Variants in ADARB1 observed in about 807,000 individuals in gnomAD.
The protein encoded by ADARB1 is adenosine deaminase RNA specific B1.
Under a neutral mutation model 52.4 loss-of-function variants are expected in ADARB1, and 10 were observed. The observed-to-expected ratio is 0.19, with a 90% CI of 0.12 to 0.32. The LOEUF (loss-of-function observed/expected upper bound fraction) is 0.32. Among genes scored for constraint, ADARB1 ranks in the 10% least tolerant of loss-of-function variants. The pLI is 1.00. For missense variants in ADARB1, 643 were observed against 922.3 expected, an observed-to-expected ratio of 0.70 and a Z score of 3.92; for synonymous variants, 349 against 371.1, an observed-to-expected ratio of 0.94 and a Z score of 0.68.
chr21:45,222,764 C>T lies in ADARB1; in HGVS notation c.*567C>T, dbSNP rs1265961878. 2.0e-6 allele frequency: 2 copies of T among 985,916 alleles called. No homozygotes were observed. Among genetic ancestry groups the T allele is most frequent in the Non-Finnish European group, 2.4e-6 (2 of 830,420 alleles). The allele number at this position is 985,916 out of a possible 1,614,324, so 61.1% of individuals were successfully genotyped here. A position where few individuals can be genotyped will look rare whatever the true frequency, so the allele number is the denominator to read the frequency against. ...CTTAGGTCTCTTTTCTCCGTAGGTA[C>T]CTCCCTGGGTAGTTCCACACACTAG... is the stretch of plus-strand genomic sequence containing the variant. On this transcript the variant is annotated 3_prime_UTR_variant, in exon 11 of 11. Transcript: ENST00000348831.
chr21:45,094,204 C>T lies in ADARB1; in HGVS notation c.-220+19411C>T, dbSNP rs148065177. ...ACATTCAAAAGCATTTTTTCCAACT[C>T]TGCAAGCAGTTGTCTGTTAAAGCAA... On this transcript the variant is annotated intron_variant, in intron 1 of 10. Transcript: ENST00000348831. 7.4e-4 allele frequency among the ~76,000 whole-genome samples: 112 copies of T among 152,268 alleles called. 1 individual carries two copies. Among genetic ancestry groups the T allele is most frequent in the African/African-American group, 2.6e-3 (109 of 41,554 alleles).
At chr21:45,114,541 C>G (rs975564867) in intron 1 of ADARB1, among the ~76,000 whole-genome samples, 3 of 152,194 alleles carry the variant, frequency 2.0e-5, no homozygotes, top group African/African-American at 7.2e-5. Context: ...AAAGGTCCGA[C>G]TATACTGAAA....
chr21:45,081,836 T>C (rs771832127), intron 1 of ADARB1, among the ~76,000 whole-genome samples: 9 of 152,136 alleles, frequency 5.9e-5, no homozygotes, highest in Non-Finnish European at 1.3e-4. Flanking sequence ...AGCCTGCTTA[T>C]TAGAGTGGCC....
At chr21:45,178,568 C>G (rs2091797811) in intron 4 of ADARB1, among the ~76,000 whole-genome samples, 1 of 152,152 alleles carries the variant, frequency 6.6e-6, no homozygotes, top group Non-Finnish European at 1.5e-5. Context: ...GTCCTTAGGG[C>G]TTTGTTGGTG....
intron 1 of ADARB1, among the ~76,000 whole-genome samples, chr21:45,123,691 C>T (rs2088362994): frequency 6.6e-6 from 1 of 152,118 alleles, no homozygotes; most frequent in Admixed American, 6.5e-5. Context: ...GCCTTGAACT[C>T]CCAGGTTCAA....
Position 45,176,963 on chromosome 21 carries a change from C to G in ADARB1, c.963+299C>G, listed in dbSNP as rs530465538. ...ATAACTCCCTTCCCGTTAGGCAACC[C>G]CCCCCATGACCCTCATCCCACAGCA... On this transcript the variant is annotated intron_variant, in intron 4 of 10. Transcript: ENST00000348831. This position sits in a 1 kb window ranked among gnomAD's most constrained non-coding sequence, Gnocchi z 5.8. 4.8e-3 allele frequency: 1,516 copies of G among 314,690 alleles called. 24 individuals are homozygous for G. The highest frequency in any genetic ancestry group is 0.04 in the Admixed American group (884 of 21,980). The allele number at this position is 314,690 out of a possible 1,614,324, so 19.5% of individuals were successfully genotyped here.
At chr21:45,110,279 G>T (rs920664680) in intron 1 of ADARB1, among the ~76,000 whole-genome samples, 3 of 152,126 alleles carry the variant, frequency 2.0e-5, no homozygotes, top group Non-Finnish European at 4.4e-5. Context: ...TTCCATTCAC[G>T]AAACAAACCT....
chr21:45,084,718 A>AT (rs2086273540), intron 1 of ADARB1, among the ~76,000 whole-genome samples: 1 of 152,194 alleles, frequency 6.6e-6, no homozygotes, highest in South Asian at 2.1e-4. Context: ...TTTAACATAT[A>AT]TATCAGTCAG....
At chr21:45,088,617 AG>A (rs1196804617) in intron 1 of ADARB1, among the ~76,000 whole-genome samples, 1 of 152,256 alleles carries the variant, frequency 6.6e-6, no homozygotes, top group Non-Finnish European at 1.5e-5. Context: ...TAGTTACTTC[AG>A]GTGAGTTCCG....
In ADARB1 at chr21:45,204,434, C is replaced by T. The variant is rs2246081; in HGVS notation, c.1566-121C>T. ...CTGTTAACTTTTTGTTGCACTCCTT[C>T]GTCAGTTGGTTGGGATCCTGCGGAA... On this transcript the variant is annotated intron_variant, in intron 8 of 10. Coordinates refer to ENST00000348831, the MANE Select transcript of ADARB1 (RefSeq NM_001112.4). This position sits in a 1 kb window ranked among gnomAD's most constrained non-coding sequence, Gnocchi z 4.4. The T allele has an allele frequency of 0.54, 491,157 of 913,100 alleles. 133,617 individuals are homozygous for T. The highest frequency in any genetic ancestry group is 0.58 in the South Asian group (32,334 of 56,192). The allele number at this position is 913,100 out of a possible 1,614,324, so 56.6% of individuals were successfully genotyped here.
intron 2 of ADARB1, among the ~76,000 whole-genome samples, chr21:45,155,737 AC>A (rs2090528155): frequency 8.9e-5 from 2 of 22,560 alleles, no homozygotes. Flanking sequence ...CCACCCACCC[AC>A]CCATCATCAC....
Position 45,096,832 on chromosome 21 carries a change from C to G in ADARB1, c.-220+22039C>G, listed in dbSNP as rs937175314. Among the ~76,000 whole-genome samples the G allele has an allele frequency of 3.3e-5, 5 of 152,312 alleles. No homozygotes were observed. The South Asian group carries it at 6.2e-4, about 19-fold the overall frequency. ...CAGTGGCACTGCCAGCTCTGCCTCC[C>G]GGGTTCACACCATTCTCCTGCCTCA... is the stretch of plus-strand genomic sequence containing the variant. On this transcript the variant is annotated intron_variant, in intron 1 of 10. Coordinates refer to ENST00000348831, the MANE Select transcript of ADARB1 (RefSeq NM_001112.4).
intron 1 of ADARB1, among the ~76,000 whole-genome samples, chr21:45,096,677 C>T (rs1223119629): frequency 6.6e-6 from 1 of 152,250 alleles, no homozygotes; most frequent in African/African-American, 2.4e-5. Flanking sequence ...ATCATTGTCA[C>T]CCAGAAGTGC....
intron 1 of ADARB1, among the ~76,000 whole-genome samples, chr21:45,097,559 G>T (rs960708097): frequency 4.6e-5 from 7 of 152,060 alleles, no homozygotes; most frequent in African/African-American, 1.4e-4. Flanking sequence ...AGGGGCCGCT[G>T]TCCAGGCAGG....
In ADARB1 at chr21:45,223,428, C is replaced by T. The variant is rs573987341; in HGVS notation, c.*1231C>T. 1.3e-5 allele frequency: 13 copies of T among 985,758 alleles called. No homozygotes were observed. The highest frequency in any genetic ancestry group is 1.1e-4 in the East Asian group (1 of 8,826). The allele number at this position is 985,758 out of a possible 1,614,324, so 61.1% of individuals were successfully genotyped here. On this transcript the variant is annotated 3_prime_UTR_variant, in exon 11 of 11. Coordinates refer to ENST00000348831, the MANE Select transcript of ADARB1 (RefSeq NM_001112.4). ...TCAGCCCGGGAGGTCAGGAGCGCGG[C>T]GGGCGAGGGCCCTGTGTGGACCACC...
intron 2 of ADARB1, among the ~76,000 whole-genome samples, chr21:45,135,503 C>A (rs985026097): frequency 2.0e-5 from 3 of 152,234 alleles, no homozygotes; most frequent in Non-Finnish European, 4.4e-5. Context: ...TTCAGCAGGA[C>A]CACTGTGTGC....
chr21:45,131,180 G>A (rs977518984), intron 2 of ADARB1, among the ~76,000 whole-genome samples: 2 of 152,188 alleles, frequency 1.3e-5, no homozygotes, highest in Admixed American at 1.3e-4. Context: ...CCACTGTATG[G>A]ACATTTAGGC....
At chr21:45,153,467 C>T (rs892869746) in intron 2 of ADARB1, among the ~76,000 whole-genome samples, 19 of 152,050 alleles carry the variant, frequency 1.2e-4, no homozygotes, top group Admixed American at 5.2e-4. Flanking sequence ...GTCTTCTGGG[C>T]GCCCCCTTAG....
At chr21:45,122,665 GT>G (rs1350897024) in intron 1 of ADARB1, among the ~76,000 whole-genome samples, 1 of 152,176 alleles carries the variant, frequency 6.6e-6, no homozygotes, top group Non-Finnish European at 1.5e-5. Context: ...CTATCCCACA[GT>G]ACTTCCCTTT....
Sources: allele counts gnomAD v4.1 joint callset (sites outside exome capture counted in the v4.1 genomes callset), GRCh38; gene constraint gnomAD v4.1.1; non-coding constraint Gnocchi (gnomAD v3.1); transcripts MANE v1.5; gene names NCBI Gene and HGNC (gene_info 2026-07-23, HGNC 2026-07-21).